RGS2: variants seen among roughly 807,000 people sequenced by gnomAD.
The protein encoded by RGS2 is regulator of G protein signaling 2.
Under a neutral mutation model 26.6 loss-of-function variants are expected in RGS2, and 20 were observed. That is an observed-to-expected ratio of 0.75 (90% CI 0.53 to 1.09). The LOEUF (loss-of-function observed/expected upper bound fraction) is 1.09. Among genes scored for constraint, RGS2 ranks in the 50% least tolerant of loss-of-function variants. The probability of loss-of-function intolerance (pLI) is 0.00; values close to 1 mark genes in which losing one functional copy is unlikely to be tolerated. For missense variants in RGS2, 246 were observed against 245.5 expected, an observed-to-expected ratio of 1.00 and a Z score of -0.01; for synonymous variants, 97 against 79.9, an observed-to-expected ratio of 1.21 and a Z score of -1.14.
chr1:192,812,027 GT>G lies in RGS2; in HGVS notation c.*434del, dbSNP rs1332901040. Reference sequence around the variant, plus strand: ...GTTTAGGATTCAGTAACAGTGAAGTGTTTACTATGTGCAACGGTATTGAAGT... The same window carrying G: ...GTTTAGGATTCAGTAACAGTGAAGTGTTACTATGTGCAACGGTATTGAAGT... On this transcript the variant is annotated 3_prime_UTR_variant, in exon 5 of 5. Coordinates refer to ENST00000235382, the MANE Select transcript of RGS2 (RefSeq NM_002923.4). 2 of 263,302 alleles carry G rather than the reference GT, an allele frequency of 7.6e-6. No homozygotes were observed. Among genetic ancestry groups the G allele is most frequent in the Admixed American group, 1.0e-4 (2 of 19,948 alleles). The allele number at this position is 263,302 out of a possible 1,614,324, so 16.3% of individuals were successfully genotyped here.
chr1:192,810,757 T>C (rs1665578245), intron 3 of RGS2: 5 of 621,432 alleles, frequency 8.0e-6, no homozygotes, highest in Non-Finnish European at 1.1e-5. Flanking sequence ...TACTTTGCAT[T>C]GACAGCAAAG....
chr1:192,810,016 T>C, intron 1 of RGS2, 150 bp from the exon 2 acceptor site: 1 of 658,134 alleles, frequency 1.5e-6, no homozygotes, highest in Non-Finnish European at 2.7e-6. Flanking sequence ...AAATGTTAGG[T>C]GGATAAGACT....
Position 192,811,383 on chromosome 1 carries a change from CTT to C in RGS2, c.442-14_442-13del, listed in dbSNP as rs1172326625. On this transcript the variant is annotated splice_polypyrimidine_tract_variant and intron_variant, in intron 4 of 4. Transcript: ENST00000235382. ...TTAACTCTGAATACCAAATAAACAACTTTTTTGTTTTATTTCAGATAAACATA... is the reference window on the plus strand; with the variant it reads ...TTAACTCTGAATACCAAATAAACAACTTTTGTTTTATTTCAGATAAACATA... 6.3e-7 allele frequency: 1 copy of C among 1,590,146 alleles called. No individual in the cohort carries two copies. The highest frequency in any genetic ancestry group is 1.1e-5 in the South Asian group (1 of 89,454).
chr1:192,811,742 G>T lies in RGS2; in HGVS notation c.*146G>T. 2.5e-6 allele frequency: 2 copies of T among 795,186 alleles called. No homozygotes were observed. Among genetic ancestry groups the T allele is most frequent in the Non-Finnish European group, 4.3e-6 (2 of 462,528 alleles). 49.3% of individuals were successfully genotyped at this position (795,186 alleles called of 1,614,324 possible). A position where few individuals can be genotyped will look rare whatever the true frequency, so the allele number is the denominator to read the frequency against. ...AACTATTGATTCAAAGTTGGGTAGT[G>T]AATCAGGAAGCCAGTAACTGACTAG... On this transcript the variant is annotated 3_prime_UTR_variant, in exon 5 of 5. Coordinates refer to ENST00000235382, the MANE Select transcript of RGS2 (RefSeq NM_002923.4).
At chr1:192,809,267 G>A (rs1165146914) in intron 1 of RGS2, 86 bp downstream of exon 1, 2 of 962,730 alleles carry the variant, frequency 2.1e-6, no homozygotes, top group Non-Finnish European at 3.4e-6. Flanking sequence ...CGCCTTTGAC[G>A]TTAGGAAACT....
In RGS2 at chr1:192,809,057, A is replaced by G. The variant is rs760249368; in HGVS notation, c.-15A>G. 6.9e-6 allele frequency: 11 copies of G among 1,593,620 alleles called. No homozygotes were observed. In the Admixed American group the frequency reaches 1.7e-4, roughly 24 times the overall value. On this transcript the variant is annotated 5_prime_UTR_variant, in exon 1 of 5. Coordinates refer to ENST00000235382, the MANE Select transcript of RGS2 (RefSeq NM_002923.4). ...CCCAGCCGCAAACAGCCGGGGCTCC[A>G]GCGGGAGAACGATAATGCAAAGTGC... is the stretch of plus-strand genomic sequence containing the variant.
chr1:192,809,103 A>G lies in RGS2; in HGVS notation c.32A>G (p.His11Arg), dbSNP rs1207387642. Reference protein sequence around the residue: MQSAMFLAVQHDCRPMDKSAG... With the variant: MQSAMFLAVQRDCRPMDKSAG... ...AGTGCTATGTTCTTGGCTGTTCAACACGACTGCAGACCCATGGACAAGAGC... is the reference window on the plus strand; with the variant it reads ...AGTGCTATGTTCTTGGCTGTTCAACGCGACTGCAGACCCATGGACAAGAGC... Residue 11 changes from histidine (H) to arginine (R), a missense_variant, in exon 1 of 5, where the codon CAC (histidine) becomes CGC (arginine). By Grantham distance (29) the His-to-Arg change is conservative. Coordinates refer to ENST00000235382, the MANE Select transcript of RGS2 (RefSeq NM_002923.4). The G allele has an allele frequency of 5.0e-6, 8 of 1,613,926 alleles. No homozygotes were observed. Among genetic ancestry groups the G allele is most frequent in the East Asian group, 2.2e-5 (1 of 44,876 alleles).
intron 2 of RGS2, 49 bp from the exon 3 acceptor site, chr1:192,810,321 A>G: frequency 6.2e-7 from 1 of 1,606,816 alleles, no homozygotes; most frequent in East Asian, 2.2e-5. Context: ...CTGAACTGAA[A>G]AGGGGAACTC....
rs369752935 is a variant in RGS2, at chr1:192,811,523, G to C, written c.563G>C (p.Arg188Pro). The C allele has an allele frequency of 1.2e-6, 2 of 1,614,024 alleles. No homozygotes were observed. Among genetic ancestry groups the C allele is most frequent in the Non-Finnish European group, 1.7e-6 (2 of 1,179,976 alleles). The change falls in exon 5 of 5, where the codon CGT becomes CCT. Residue 188 changes from arginine to proline, a missense_variant. Physicochemically the swap from Arg to Pro is moderately radical, Grantham distance 103. Coordinates refer to ENST00000235382, the MANE Select transcript of RGS2 (RefSeq NM_002923.4). ...YSLMENNSYP[R>P]FLESEFYQDL... ...TTGATGGAGAACAACTCTTATCCTC[G>C]TTTCTTGGAGTCAGAATTCTACCAG...
At position 192,810,236 on chromosome 1, in the gene RGS2, G is replaced by T; in HGVS notation, c.181G>T (p.Gly61Cys). 2.5e-6 allele frequency: 4 copies of T among 1,613,886 alleles called. No homozygotes were observed. Among genetic ancestry groups the T allele is most frequent in the Non-Finnish European group, 3.4e-6 (4 of 1,179,812 alleles). Residue 61 changes from glycine to cysteine, a missense_variant, in exon 2 of 5, where the codon GGC (glycine) becomes TGC (cysteine). Transcript: ENST00000235382. ...CTCTACTCCTGGGAAGCCCAAAACC[G>T]GCAAAAAAAGCAAACAGCAAGCTTT... ...NSSTPGKPKT[G>C]KKSKQQAFIK...
At chr1:192,810,107 T>G in intron 1 of RGS2, 59 bp from the exon 2 acceptor site, 1 of 1,068,480 alleles carries the variant, frequency 9.4e-7, no homozygotes, top group South Asian at 1.3e-5. Flanking sequence ...TGCGTTCAGC[T>G]GCAGTAGCAT....
At position 192,811,048 on chromosome 1, in the gene RGS2, G is replaced by A; in HGVS notation, c.342G>A (p.Leu114=). 1 of 1,613,968 alleles carries A rather than the reference G, an allele frequency of 6.2e-7. No individual in the cohort carries two copies. The highest frequency in any genetic ancestry group is 8.5e-7 in the Non-Finnish European group (1 of 1,179,970). Residue 114 remains leucine (L), a synonymous_variant, in exon 4 of 5, where the codon CTG becomes CTA. Coordinates refer to ENST00000235382, the MANE Select transcript of RGS2 (RefSeq NM_002923.4). ...EFCEENIEFW[L]ACEDFKKTKS... The stretch of plus-strand genomic sequence containing the variant: ...GTGAAGAAAATATTGAATTCTGGCT[G>A]GCCTGTGAAGACTTCAAAAAAACCA...
intron 3 of RGS2, 187 bp downstream of exon 3, chr1:192,810,618 G>C (rs1284126471): frequency 4.5e-6 from 3 of 670,580 alleles, no homozygotes; most frequent in East Asian, 2.7e-5. Context: ...TCCAGGTGGG[G>C]AAGAAAATCA....
Position 192,812,063 on chromosome 1 carries a change from C to T in RGS2, c.*467C>T, listed in dbSNP as rs554430589. ...GCAACGGTATTGAAGTTCTTATGAC[C>T]ACAGATCATCAGTACTGTTGTCTCA... On this transcript the variant is annotated 3_prime_UTR_variant, in exon 5 of 5. Transcript: ENST00000235382. 1.2e-4 allele frequency: 25 copies of T among 214,582 alleles called. 1 individual carries two copies. The highest frequency in any genetic ancestry group is 6.8e-4 in the Admixed American group (13 of 19,028). The allele number at this position is 214,582 out of a possible 1,614,324, so 13.3% of individuals were successfully genotyped here.
chr1:192,809,433 C>G, intron 1 of RGS2: 1 of 510,498 alleles, frequency 2.0e-6, no homozygotes, highest in Non-Finnish European at 3.6e-6. Context: ...GGCTTTTTGT[C>G]CTCCTGCATT....
At chr1:192,810,876 A>G (rs1557910736) in intron 3 of RGS2, 105 bp from the exon 4 acceptor site, 1 of 1,298,972 alleles carries the variant, frequency 7.7e-7, no homozygotes, top group Non-Finnish European at 1.1e-6. Flanking sequence ...AATCTAGAAA[A>G]TTCATTTAGA....
chr1:192,810,724 T>C, intron 3 of RGS2: 1 of 610,116 alleles, frequency 1.6e-6, no homozygotes, highest in Non-Finnish European at 2.9e-6. Context: ...TCCCAGAGAA[T>C]TTATGGCTCC....
chr1:192,810,299 A>G (rs1237786431), intron 2 of RGS2, 32 bp downstream of exon 2: 2 of 1,606,312 alleles, frequency 1.2e-6, no homozygotes, highest in African/African-American at 2.7e-5. Flanking sequence ...TGCAAATATC[A>G]ATAGTTAGCT....
chr1:192,811,368 A>G (rs17647363), intron 4 of RGS2, 34 bp from the exon 5 acceptor site: 234,285 of 1,544,648 alleles, frequency 0.15, 19,863 homozygotes, highest in Non-Finnish European at 0.18. Flanking sequence ...TTAACTCTGA[A>G]TACCAAATAA....
Sources: gnomAD v4.1 joint callset for allele counts on GRCh38, gnomAD v4.1.1 for gene constraint, MANE v1.5 for transcripts, NCBI Gene and HGNC (gene_info 2026-07-23, HGNC 2026-07-21) for gene names.